Variants in PIP5K1C observed in about 807,000 individuals in gnomAD.
PIP5K1C encodes the protein phosphatidylinositol-4-phosphate 5-kinase type 1 gamma, also known as phosphatidylinositol 4-phosphate 5-kinase type-1 gamma.
Under a neutral mutation model 80.1 loss-of-function variants are expected in PIP5K1C, and 45 were observed. The observed-to-expected ratio is 0.56, with a 90% confidence interval of 0.44 to 0.72. The LOEUF (loss-of-function observed/expected upper bound fraction) is 0.72. PIP5K1C is among the 30% of genes least tolerant of loss of function. PIP5K1C has a pLI of 0.00. For missense variants in PIP5K1C, 753 were observed against 954.6 expected (o/e 0.79, Z 2.78); for synonymous variants, 498 against 420.1 (o/e 1.19, Z -2.27).
intron 6 of PIP5K1C, among the ~76,000 whole-genome samples, chr19:3,654,124 CCG>C (rs2034542693): frequency 6.6e-6 from 1 of 152,244 alleles, no homozygotes; most frequent in Middle Eastern, 3.2e-3. Flanking sequence ...ACCTCAGCCT[CCG>C]AAAGTGCCAG....
At chr19:3,652,614 C>T (rs749102277) in intron 7 of PIP5K1C, among the ~76,000 whole-genome samples, 1 of 152,098 alleles carries the variant, frequency 6.6e-6, no homozygotes, top group East Asian at 1.9e-4. Flanking sequence ...CGGGGTGGGA[C>T]GGGGACGACG....
intron 1 of PIP5K1C, among the ~76,000 whole-genome samples, chr19:3,685,375 A>G (rs1436492422): frequency 2.6e-5 from 4 of 152,186 alleles, no homozygotes; most frequent in African/African-American, 9.6e-5. Context: ...AGGTCCTACA[A>G]AGACTGTCTA....
chr19:3,655,777 C>A (rs1599981041), intron 6 of PIP5K1C, among the ~76,000 whole-genome samples: 1 of 152,214 alleles, frequency 6.6e-6, no homozygotes, highest in Admixed American at 6.5e-5. Flanking sequence ...GGCCGGGCAG[C>A]AGCTTGGGCC....
At chr19:3,687,914 G>C (rs1205487039) in intron 1 of PIP5K1C, among the ~76,000 whole-genome samples, 2 of 152,234 alleles carry the variant, frequency 1.3e-5, no homozygotes, top group African/African-American at 4.8e-5. Context: ...CAGGCCCTGA[G>C]GTGTTGGGTC....
Position 3,637,428 on chromosome 19 carries a change from GA to G in PIP5K1C, c.1920+1455del. The stretch of plus-strand genomic sequence containing the variant: ...CCGTGATTTACCCAAAGCCCTTCTG[GA>G]AAACAACTGACGTCAGACACTGAGC... On this transcript the variant is annotated intron_variant, in intron 16 of 17. Coordinates refer to ENST00000335312, the MANE Select transcript of PIP5K1C (RefSeq NM_012398.3). The surrounding 1 kb of genome is among the most constrained non-coding windows in gnomAD (Gnocchi z 7.0). 6.5e-7 allele frequency: 1 copy of G among 1,535,638 alleles called. No homozygotes were observed.
chr19:3,683,867 C>T (rs1032311837), intron 1 of PIP5K1C, among the ~76,000 whole-genome samples: 5 of 149,650 alleles, frequency 3.3e-5, no homozygotes, highest in East Asian at 2.0e-4. Flanking sequence ...CTTCCCCTCC[C>T]GGGCAGTCCC....
chr19:3,656,491 C>G lies in PIP5K1C; in HGVS notation c.535G>C (p.Val179Leu). ...ATGATGAACTCGTCGTCGCTGGTGA[C>G]GTAGAAGAGGGAGCCACTGGCGCCC... The part of the protein sequence containing the change: ...NPGASGSLFY[V>L]TSDDEFIIKT... The change falls in exon 6 of 18, where the codon GTC becomes CTC. Residue 179 changes from valine to leucine, a missense_variant. By Grantham distance (32) the Val-to-Leu change is conservative (BLOSUM62 1). Transcript: ENST00000335312. 2.5e-6 allele frequency: 4 copies of G among 1,613,728 alleles called. No individual in the cohort carries two copies. The highest frequency in any genetic ancestry group is 2.2e-5 in the East Asian group (1 of 44,872).
intron 8 of PIP5K1C, among the ~76,000 whole-genome samples, chr19:3,651,055 G>GTTTTTT (rs60438258): frequency 6.3e-5 from 8 of 127,270 alleles, no homozygotes; most frequent in African/African-American, 2.1e-4. Context: ...CGCGCCCAGC[G>GTTTTTT]TTTTTTTTTT....
At chr19:3,643,981 G>T (rs993097642) in intron 12 of PIP5K1C, 106 bp downstream of exon 12, 4 of 1,349,186 alleles carry the variant, frequency 3.0e-6, no homozygotes, top group East Asian at 2.4e-5. Context: ...ATCCGGAGGG[G>T]GTGGCTGAGC....
At chr19:3,642,396 C>T (rs1253429388) in intron 14 of PIP5K1C, among the ~76,000 whole-genome samples, 2 of 152,238 alleles carry the variant, frequency 1.3e-5, no homozygotes, top group Non-Finnish European at 2.9e-5. Context: ...GGCACGCAGG[C>T]GTGACAGGAA....
chr19:3,686,757 A>T (rs2035774154), intron 1 of PIP5K1C, among the ~76,000 whole-genome samples: 1 of 151,914 alleles, frequency 6.6e-6, no homozygotes, highest in Admixed American at 6.6e-5. Context: ...AAATAAAATA[A>T]AATAAAATAA....
At chr19:3,690,999 T>C (rs1475984517) in intron 1 of PIP5K1C, among the ~76,000 whole-genome samples, 2 of 152,132 alleles carry the variant, frequency 1.3e-5, no homozygotes, top group Non-Finnish European at 1.5e-5. Flanking sequence ...CAGCTCTTGA[T>C]AGAAACACAG....
At chr19:3,640,096 G>A (rs1017139956) in intron 15 of PIP5K1C, among the ~76,000 whole-genome samples, 1 of 152,150 alleles carries the variant, frequency 6.6e-6, no homozygotes, top group Non-Finnish European at 1.5e-5. Context: ...TGCTGTGAGC[G>A]CTAAAAAAGC....
Position 3,634,787 on chromosome 19 carries a change from C to G in PIP5K1C, c.1921-1267G>C, listed in dbSNP as rs185335923. On this transcript the variant is annotated intron_variant, in intron 16 of 17. Coordinates refer to ENST00000335312, the MANE Select transcript of PIP5K1C (RefSeq NM_012398.3). ...CCTCTAAAGGGCCCACCTCTGTGCT[C>G]ACTCCACCCTGCCCGATCCTACAGC... 2.6e-5 allele frequency among the ~76,000 whole-genome samples: 4 copies of G among 152,352 alleles called. No homozygotes were observed. The East Asian group carries it at 7.7e-4, about 29-fold the overall frequency.
At chr19:3,682,215 A>G (rs2035611382) in intron 1 of PIP5K1C, among the ~76,000 whole-genome samples, 1 of 152,132 alleles carries the variant, frequency 6.6e-6, no homozygotes, top group East Asian at 1.9e-4. Flanking sequence ...CTCTACTAAA[A>G]ATACAAACAT....
chr19:3,672,149 G>C lies in PIP5K1C; in HGVS notation c.95-4796C>G, dbSNP rs569965600. Among the ~76,000 whole-genome samples the C allele has an allele frequency of 5.3e-5, 8 of 152,360 alleles. No individual in the cohort carries two copies. The East Asian group carries it at 1.5e-3, about 29-fold the overall frequency. The stretch of plus-strand genomic sequence containing the variant: ...GCCACCCCACCTCCCTGTGTGCCCA[G>C]GGCTTCTCTCTGAGCCTCAGTCTCT... On this transcript the variant is annotated intron_variant, in intron 1 of 17. Coordinates refer to ENST00000335312, the MANE Select transcript of PIP5K1C (RefSeq NM_012398.3).
chr19:3,641,289 G>A (rs936820184), intron 15 of PIP5K1C, among the ~76,000 whole-genome samples: 1 of 151,756 alleles, frequency 6.6e-6, no homozygotes, highest in Non-Finnish European at 1.5e-5. Flanking sequence ...AAAAAAATTA[G>A]TTAAATACTT....
rs192007438 is a variant in PIP5K1C at position 3,630,424 on chromosome 19, G to A, written c.*2743C>T. 2.6e-5 allele frequency: 4 copies of A among 152,680 alleles called. No individual in the cohort carries two copies. The highest frequency in any genetic ancestry group is 2.1e-4 in the South Asian group (1 of 4,834). The allele number at this position is 152,680 out of a possible 1,614,324, so 9.5% of individuals were successfully genotyped here. On this transcript the variant is annotated 3_prime_UTR_variant, in exon 18 of 18. Coordinates refer to ENST00000335312, the MANE Select transcript of PIP5K1C (RefSeq NM_012398.3). ...ATCCCTGGGGGGAGTTAAGACACACGAGGTTTGCAGTTTCATTTTGTTTCA... is the reference window on the plus strand; with the variant it reads ...ATCCCTGGGGGGAGTTAAGACACACAAGGTTTGCAGTTTCATTTTGTTTCA...
At chr19:3,671,591 G>C (rs1469337690) in intron 1 of PIP5K1C, among the ~76,000 whole-genome samples, 6 of 152,238 alleles carry the variant, frequency 3.9e-5, no homozygotes, top group Non-Finnish European at 7.3e-5. Flanking sequence ...AGGTGGAGCA[G>C]GACGGAGAGG....
Sources: allele counts gnomAD v4.1 joint callset (sites outside exome capture counted in the v4.1 genomes callset), GRCh38; gene constraint gnomAD v4.1.1; non-coding constraint Gnocchi (gnomAD v3.1); transcripts MANE v1.5; gene names NCBI Gene and HGNC (gene_info 2026-07-23, HGNC 2026-07-21).